DGCR2: variants seen among roughly 807,000 people sequenced by gnomAD.
DGCR2 encodes the protein integral membrane protein DGCR2/IDD.
DGCR2 carries 24 observed loss-of-function variants against 51.6 expected under a neutral mutation model. The ratio of observed to expected loss-of-function variants is 0.47; its 90% CI spans 0.34 to 0.65. The LOEUF (loss-of-function observed/expected upper bound fraction) is 0.65, where lower values mean the gene tolerates loss of function less well. Ranked by LOEUF, DGCR2 falls within the 30% of genes least tolerant of loss-of-function variation. The probability of loss-of-function intolerance (pLI) is 0.01; values close to 1 mark genes in which losing one functional copy is unlikely to be tolerated. For missense variants in DGCR2, 765 were observed against 772.1 expected (o/e 0.99, Z 0.11); for synonymous variants, 340 against 315.4 (o/e 1.08, Z -0.82).
chr22:19,063,147 G>T, intron 5 of DGCR2, 55 bp downstream of exon 5: 2 of 1,545,240 alleles, frequency 1.3e-6, no homozygotes, highest in Non-Finnish European at 1.8e-6. Flanking sequence ...GGGAGGCCCC[G>T]AATCAGGGTG....
At chr22:19,101,986 C>G (rs999041061) in intron 1 of DGCR2, among the ~76,000 whole-genome samples, 1 of 151,530 alleles carries the variant, frequency 6.6e-6, no homozygotes, top group Non-Finnish European at 1.5e-5. Context: ...ACCTGGGAAG[C>G]AGAGGTTGCA....
intron 5 of DGCR2, chr22:19,060,594 C>G (rs960820243): frequency 1.0e-5 from 2 of 192,488 alleles, no homozygotes; most frequent in African/African-American, 4.8e-5. Context: ...CTGGTGCTGA[C>G]GGGAAGGCCC....
At position 19,044,405 on chromosome 22, in the gene DGCR2, G is replaced by A. The variant is rs140660955; in HGVS notation, c.1007-2446C>T. On this transcript the variant is annotated intron_variant, in intron 7 of 9. Transcript: ENST00000263196. The stretch of plus-strand genomic sequence containing the variant: ...GTGACAAGGAGCTCACCATTTCATT[G>A]AGCTTGGTTAAGTGGTAACAGTTTC... Among the ~76,000 whole-genome samples, 141 of 152,318 alleles carry A rather than the reference G, an allele frequency of 9.3e-4. 2 individuals are homozygous for A. The East Asian group carries it at 0.02, about 21-fold the overall frequency.
chr22:19,100,892 G>A (rs1287583780), intron 1 of DGCR2, among the ~76,000 whole-genome samples: 12 of 151,948 alleles, frequency 7.9e-5, no homozygotes, highest in Non-Finnish European at 1.2e-4. Context: ...AACACTTGAG[G>A]TCAGGAGTTC....
At position 19,042,530 on chromosome 22, in the gene DGCR2, T is replaced by C. The variant is rs975507692; in HGVS notation, c.1007-571A>G. On this transcript the variant is annotated intron_variant, in intron 7 of 9. Transcript: ENST00000263196. The stretch of plus-strand genomic sequence containing the variant: ...GTTGGCCAGGTAGGCAGGGGTCTCA[T>C]GGATGACAGTTGCTGGCAGTTTGGA... 4.6e-5 allele frequency among the ~76,000 whole-genome samples: 7 copies of C among 152,202 alleles called. No individual in the cohort carries two copies. In the South Asian group the frequency reaches 8.3e-4, roughly 18 times the overall value.
At chr22:19,081,355 G>C (rs755992321) in intron 2 of DGCR2, among the ~76,000 whole-genome samples, 1 of 152,138 alleles carries the variant, frequency 6.6e-6, no homozygotes, top group Non-Finnish European at 1.5e-5. Flanking sequence ...ACATGTGTAT[G>C]TATCTATAAG....
rs999373127 is a variant in DGCR2, at chr22:19,041,450, T to G, written c.1160-156A>C. The G allele has an allele frequency of 1.6e-5, 11 of 706,786 alleles. No individual in the cohort carries two copies. In the Admixed American group the frequency reaches 2.4e-4, roughly 15 times the overall value. 43.8% of individuals were successfully genotyped at this position (706,786 alleles called of 1,614,324 possible). On this transcript the variant is annotated intron_variant, in intron 8 of 9. Coordinates refer to ENST00000263196, the MANE Select transcript of DGCR2 (RefSeq NM_005137.3). Reference sequence around the variant, plus strand: ...CCCTCGGCCACATTCGGCATCCCCATGAGACCCCTGGTGTGCTCCGTGGCA... The same window carrying G: ...CCCTCGGCCACATTCGGCATCCCCAGGAGACCCCTGGTGTGCTCCGTGGCA...
chr22:19,054,741 TAA>T (rs56262911), intron 6 of DGCR2, among the ~76,000 whole-genome samples: 13 of 139,748 alleles, frequency 9.3e-5, no homozygotes, highest in Admixed American at 2.1e-4. Flanking sequence ...TGCCCCACCT[TAA>T]AAAAAAAAAA....
At chr22:19,091,640 G>C (rs1215647944) in intron 1 of DGCR2, among the ~76,000 whole-genome samples, 1 of 152,146 alleles carries the variant, frequency 6.6e-6, no homozygotes, top group Non-Finnish European at 1.5e-5. Context: ...GGCTGGGCGT[G>C]GTGGCTCATG....
chr22:19,096,598 C>A (rs2525038), intron 1 of DGCR2, among the ~76,000 whole-genome samples: 54,648 of 127,060 alleles, frequency 0.43, 10,668 homozygotes, highest in African/African-American at 0.6. Context: ...ATAAAGTTAA[C>A]AAAAAATTTT....
At chr22:19,094,602 T>C (rs547120406) in intron 1 of DGCR2, among the ~76,000 whole-genome samples, 9 of 152,352 alleles carry the variant, frequency 5.9e-5, no homozygotes, top group Non-Finnish European at 1.3e-4. Context: ...CTTTAAAAAC[T>C]GAATGTATAC....
intron 2 of DGCR2, among the ~76,000 whole-genome samples, chr22:19,069,539 C>T (rs2082790315): frequency 6.6e-6 from 1 of 152,194 alleles, no homozygotes; most frequent in Non-Finnish European, 1.5e-5. Context: ...TTTAAGAATA[C>T]TGGGATCACA....
At chr22:19,054,225 C>A (rs370044093) in intron 6 of DGCR2, among the ~76,000 whole-genome samples, 1 of 141,498 alleles carries the variant, frequency 7.1e-6, no homozygotes, top group African/African-American at 2.8e-5. Context: ...GAAATACACA[C>A]TGAAGTATAA....
At chr22:19,084,265 AG>A (rs1308589642) in intron 2 of DGCR2, among the ~76,000 whole-genome samples, 2 of 145,892 alleles carry the variant, frequency 1.4e-5, no homozygotes, top group African/African-American at 5.1e-5. Flanking sequence ...CATCCCATCT[AG>A]GAAGTGAGGA....
chr22:19,079,982 C>A (rs181443875), intron 2 of DGCR2, among the ~76,000 whole-genome samples: 1 of 152,220 alleles, frequency 6.6e-6, no homozygotes, highest in Non-Finnish European at 1.5e-5. Flanking sequence ...GTGGGCTAGA[C>A]GCTTGTCAGG....
chr22:19,049,073 A>G (rs1038803711), intron 6 of DGCR2, among the ~76,000 whole-genome samples: 1 of 152,236 alleles, frequency 6.6e-6, no homozygotes, highest in African/African-American at 2.4e-5. Context: ...GGGCAAATGG[A>G]GGCCGGAGAG....
intron 1 of DGCR2, among the ~76,000 whole-genome samples, chr22:19,103,739 T>A (rs1397093863): frequency 6.4e-5 from 5 of 78,722 alleles, no homozygotes; most frequent in South Asian, 5.4e-4. Flanking sequence ...AAAAAATTCT[T>A]AAAAAAAAAA....
At chr22:19,115,825 G>A (rs2083367752) in intron 1 of DGCR2, among the ~76,000 whole-genome samples, 1 of 152,160 alleles carries the variant, frequency 6.6e-6, no homozygotes, top group African/African-American at 2.4e-5. Flanking sequence ...ACACTCCTCA[G>A]AGCCACTGTA....
At chr22:19,102,959 T>C (rs2083219774) in intron 1 of DGCR2, among the ~76,000 whole-genome samples, 1 of 152,160 alleles carries the variant, frequency 6.6e-6, no homozygotes, top group Admixed American at 6.5e-5. Context: ...TGAGTTATGA[T>C]TTGATTGCAC....
Sources: allele counts gnomAD v4.1 joint callset (sites outside exome capture counted in the v4.1 genomes callset), GRCh38; gene constraint gnomAD v4.1.1; transcripts MANE v1.5; gene names NCBI Gene and HGNC (gene_info 2026-07-23, HGNC 2026-07-21).